AGTR1: variants seen among roughly 807,000 people sequenced by gnomAD.
The protein encoded by AGTR1 is type-1 angiotensin II receptor.
A neutral mutation model predicts 19.4 loss-of-function variants in AGTR1; 16 were observed. That is an observed-to-expected ratio of 0.82 (90% CI 0.56 to 1.25). The LOEUF (loss-of-function observed/expected upper bound fraction) is 1.25. Ranked by LOEUF, AGTR1 falls within the 50% of genes most tolerant of loss-of-function variation. The pLI is 0.00. For synonymous variants in AGTR1, 153 were observed against 154.9 expected (o/e 0.99, Z 0.09); for missense variants, 373 against 431.9 (o/e 0.86, Z 1.21).
chr3:148,741,586 A>G lies in AGTR1; in HGVS notation c.551A>G (p.Tyr184Cys). Residue 184 changes from tyrosine to cysteine, a missense_variant, in exon 3 of 3, where the codon TAT becomes TGT. Physicochemically the swap from Tyr to Cys is radical, Grantham distance 194 (BLOSUM62 -2). Coordinates refer to ENST00000349243, the MANE Select transcript of AGTR1 (RefSeq NM_000685.5). ...AATATTACAGTTTGTGCTTTCCATT[A>G]TGAGTCCCAAAATTCAACCCTCCCG... ...NTNITVCAFHYESQNSTLPIG... is the reference protein window; with the variant it reads ...NTNITVCAFHCESQNSTLPIG... 1 of 1,614,070 alleles carries G rather than the reference A, an allele frequency of 6.2e-7. No individual in the cohort carries two copies. The highest frequency in any genetic ancestry group is 8.5e-7 in the Non-Finnish European group (1 of 1,179,960).
chr3:148,741,626 G>A lies in AGTR1; in HGVS notation c.591G>A (p.Leu197=), dbSNP rs748573745. ...CAACCCTCCCGATAGGGCTGGGCCT[G>A]ACCAAAAATATACTGGGTTTCCTGT... is the stretch of plus-strand genomic sequence containing the variant. The part of the protein sequence containing the change: ...QNSTLPIGLG[L]TKNILGFLFP... The change falls in exon 3 of 3, where the codon CTG becomes CTA. Residue 197 remains leucine, a synonymous_variant. Coordinates refer to ENST00000349243, the MANE Select transcript of AGTR1 (RefSeq NM_000685.5). 1.9e-6 allele frequency: 3 copies of A among 1,614,042 alleles called. No individual in the cohort carries two copies. The South Asian group carries it at 3.3e-5, about 18-fold the overall frequency.
intron 1 of AGTR1, among the ~76,000 whole-genome samples, chr3:148,706,907 CTT>C (rs1245760678): frequency 6.6e-6 from 1 of 151,862 alleles, no homozygotes; most frequent in Non-Finnish European, 1.5e-5. Flanking sequence ...CTATCAAAAA[CTT>C]AGCATATACA....
At position 148,741,541 on chromosome 3, in the gene AGTR1, T is replaced by C; in HGVS notation, c.506T>C (p.Val169Ala). 1 of 1,614,140 alleles carries C rather than the reference T, an allele frequency of 6.2e-7. No homozygotes were observed. Among genetic ancestry groups the C allele is most frequent in the Non-Finnish European group, 8.5e-7 (1 of 1,179,968 alleles). ...ASLPAIIHRN[V>A]FFIENTNITV... is the part of the protein sequence containing the mutation. ...TTGCCAGCTATAATCCATCGAAATG[T>C]ATTTTTCATTGAGAACACCAATATT... Residue 169 changes from valine (V) to alanine (A), a missense_variant, in exon 3 of 3, where the codon GTA becomes GCA. Transcript: ENST00000349243.
rs1358705034 is a variant in AGTR1, at chr3:148,741,072, A to G, written c.37A>G (p.Arg13Gly). The G allele has an allele frequency of 2.5e-6, 4 of 1,613,900 alleles. No homozygotes were observed. In the Admixed American group the frequency reaches 5.0e-5, roughly 20 times the overall value. Residue 13 changes from arginine to glycine, a missense_variant, in exon 3 of 3, where the codon AGA becomes GGA. Coordinates refer to ENST00000349243, the MANE Select transcript of AGTR1 (RefSeq NM_000685.5). Reference sequence around the variant, plus strand: ...CTCTTCTACTGAAGATGGTATTAAAAGAATCCAAGATGATTGTCCCAAAGC... The same window carrying G: ...CTCTTCTACTGAAGATGGTATTAAAGGAATCCAAGATGATTGTCCCAAAGC... ...LNSSTEDGIK[R>G]IQDDCPKAGR...
chr3:148,740,920 G>T lies in AGTR1; in HGVS notation c.-47-69G>T, dbSNP rs117577435. On this transcript the variant is annotated intron_variant, in intron 2 of 2. Transcript: ENST00000349243. ...GTTACTACGTTTATGACTGAGAAAT[G>T]AATGTTTGTTAGTTTGTTTGTTTAC... The T allele has an allele frequency of 1.2e-3, 1,638 of 1,383,554 alleles. 27 individuals carry two copies. In the East Asian group the frequency reaches 0.033, roughly 28 times the overall value. 85.7% of individuals were successfully genotyped at this position (1,383,554 alleles called of 1,614,324 possible). A position where few individuals can be genotyped will look rare whatever the true frequency, so the allele number is the denominator to read the frequency against.
intron 1 of AGTR1, among the ~76,000 whole-genome samples, chr3:148,703,678 A>C (rs898991070): frequency 5.9e-5 from 9 of 152,234 alleles, no homozygotes; most frequent in African/African-American, 2.2e-4. Flanking sequence ...AGATGTAAAC[A>C]TAAGAATTCT....
At chr3:148,715,969 A>T (rs1713286061) in intron 2 of AGTR1, among the ~76,000 whole-genome samples, 1 of 152,146 alleles carries the variant, frequency 6.6e-6, no homozygotes, top group South Asian at 2.1e-4. Context: ...CCCTGATGGA[A>T]ATCCAGAATT....
chr3:148,701,897 A>G (rs975098711), intron 1 of AGTR1, among the ~76,000 whole-genome samples: 4 of 151,790 alleles, frequency 2.6e-5, no homozygotes, highest in African/African-American at 9.7e-5. Flanking sequence ...TAGAAATTTT[A>G]TTTAGTTCAA....
intron 2 of AGTR1, among the ~76,000 whole-genome samples, chr3:148,718,092 C>T (rs1713398732): frequency 6.6e-6 from 1 of 152,106 alleles, no homozygotes; most frequent in African/African-American, 2.4e-5. Context: ...ACTAGACGTC[C>T]TTATGCTTTT....
intron 2 of AGTR1, among the ~76,000 whole-genome samples, chr3:148,715,397 C>T (rs1487303041): frequency 1.3e-5 from 2 of 152,142 alleles, no homozygotes; most frequent in Non-Finnish European, 2.9e-5. Context: ...CTCCTACCAG[C>T]TTAGGCAGAG....
At chr3:148,721,392 T>C (rs1192712437) in intron 2 of AGTR1, among the ~76,000 whole-genome samples, 1 of 152,198 alleles carries the variant, frequency 6.6e-6, no homozygotes, top group Non-Finnish European at 1.5e-5. Flanking sequence ...AAGTAGCATG[T>C]AAGATGTAGG....
intron 2 of AGTR1, chr3:148,731,334 C>A (rs1293466299): frequency 3.3e-5 from 5 of 152,146 alleles, no homozygotes; most frequent in African/African-American, 1.2e-4. Flanking sequence ...TGTACCCAAA[C>A]ATTTGCTGCC....
chr3:148,730,660 G>A (rs879934345), intron 2 of AGTR1, among the ~76,000 whole-genome samples: 4 of 152,190 alleles, frequency 2.6e-5, no homozygotes, highest in Non-Finnish European at 4.4e-5. Context: ...GTTGCCTACA[G>A]GGCAGTGCTT....
intron 1 of AGTR1, among the ~76,000 whole-genome samples, chr3:148,706,530 C>T (rs2107929169): frequency 6.6e-6 from 1 of 151,954 alleles, no homozygotes; most frequent in South Asian, 2.1e-4. Flanking sequence ...AAAATAAATG[C>T]TTATACAGTA....
intron 1 of AGTR1, among the ~76,000 whole-genome samples, chr3:148,702,464 G>A (rs1712403800): frequency 1.3e-5 from 2 of 152,278 alleles, no homozygotes; most frequent in South Asian, 2.1e-4. Context: ...GTGATATTAG[G>A]CCCTGAGGAT....
At chr3:148,732,625 A>G (rs1233711946) in intron 2 of AGTR1, among the ~76,000 whole-genome samples, 2 of 152,018 alleles carry the variant, frequency 1.3e-5, no homozygotes, top group Non-Finnish European at 2.9e-5. Context: ...CCTTGTTATA[A>G]TTCTTGAAAT....
At chr3:148,717,694 GA>G (rs1398452038) in intron 2 of AGTR1, among the ~76,000 whole-genome samples, 1 of 152,142 alleles carries the variant, frequency 6.6e-6, no homozygotes, top group East Asian at 1.9e-4. Context: ...TTTCAGTGAG[GA>G]AAATTGTTAA....
Position 148,728,978 on chromosome 3 carries a change from A to G in AGTR1, c.-47-12011A>G, listed in dbSNP as rs143028163. 1.6e-3 allele frequency among the ~76,000 whole-genome samples: 237 copies of G among 150,012 alleles called. 1 individual carries two copies. Among genetic ancestry groups the G allele is most frequent in the African/African-American group, 5.6e-3 (226 of 40,554 alleles). ...CTGCGGGGTTCCTTCCCTAACCACA[A>G]TTGCTTTTGGATTGGAGACTTGTAA... On this transcript the variant is annotated intron_variant, in intron 2 of 2. Coordinates refer to ENST00000349243, the MANE Select transcript of AGTR1 (RefSeq NM_000685.5).
At chr3:148,735,592 TAAA>T (rs1353931695) in intron 2 of AGTR1, among the ~76,000 whole-genome samples, 1 of 151,862 alleles carries the variant, frequency 6.6e-6, no homozygotes, top group African/African-American at 2.4e-5. Flanking sequence ...TTAAGGAAAA[TAAA>T]AGAAGAAGTA....
Sources: gnomAD v4.1 joint callset for allele counts (sites outside exome capture counted in the v4.1 genomes callset) on GRCh38, gnomAD v4.1.1 for gene constraint, MANE v1.5 for transcripts, NCBI Gene and HGNC (gene_info 2026-07-23, HGNC 2026-07-21) for gene names.